RELN: variants seen among roughly 807,000 people sequenced by gnomAD.
The protein encoded by RELN is reelin.
Under a neutral mutation model 427.6 loss-of-function variants are expected in RELN, and 108 were observed. The ratio of observed to expected loss-of-function variants is 0.25; its 90% CI spans 0.22 to 0.30. RELN has a LOEUF of 0.30. RELN is among the 10% of genes least tolerant of loss of function. The pLI is 1.00. For missense variants in RELN, 3,715 were observed against 4,302.8 expected, an observed-to-expected ratio of 0.86 and a Z score of 3.82; for synonymous variants, 1,524 against 1,513.4, an observed-to-expected ratio of 1.01 and a Z score of -0.16.
chr7:103,546,228 T>C (rs1264366863), intron 41 of RELN, among the ~76,000 whole-genome samples: 1 of 152,218 alleles, frequency 6.6e-6, no homozygotes, highest in Non-Finnish European at 1.5e-5. Context: ...ATATTTCATA[T>C]AAATGGAAAG....
At chr7:103,945,105 CAA>C (rs1313686669) in intron 1 of RELN, among the ~76,000 whole-genome samples, 2 of 152,102 alleles carry the variant, frequency 1.3e-5, no homozygotes. Flanking sequence ...ACAACTCACA[CAA>C]AGAGAAGCTA....
At chr7:103,861,659 C>T (rs1794074558) in intron 2 of RELN, among the ~76,000 whole-genome samples, 1 of 151,996 alleles carries the variant, frequency 6.6e-6, no homozygotes, top group Non-Finnish European at 1.5e-5. Context: ...GCGAAGAGAC[C>T]CAGAAAGGTG....
At chr7:103,716,477 G>A (rs560071478) in intron 8 of RELN, among the ~76,000 whole-genome samples, 1 of 152,226 alleles carries the variant, frequency 6.6e-6, no homozygotes, top group East Asian at 1.9e-4. Context: ...TTTGACAGAT[G>A]AGTCCCTGGT....
intron 48 of RELN, among the ~76,000 whole-genome samples, chr7:103,520,723 G>A (rs73714431): frequency 0.047 from 7,172 of 151,934 alleles, 243 homozygotes; most frequent in East Asian, 0.17. Flanking sequence ...GTTGATATAC[G>A]GATTTTTTTT....
intron 3 of RELN, among the ~76,000 whole-genome samples, chr7:103,805,314 A>C (rs1792571859): frequency 6.6e-6 from 1 of 152,226 alleles, no homozygotes; most frequent in Admixed American, 6.6e-5. Context: ...GTAGAGAATT[A>C]AAATCTAATT....
At chr7:103,798,790 G>C (rs1031132402) in intron 3 of RELN, among the ~76,000 whole-genome samples, 1 of 152,176 alleles carries the variant, frequency 6.6e-6, no homozygotes, top group African/African-American at 2.4e-5. Flanking sequence ...AGGTACAGGA[G>C]ATAAAGCAAC....
At chr7:103,601,436 A>G (rs1831665616) in intron 24 of RELN, among the ~76,000 whole-genome samples, 1 of 152,186 alleles carries the variant, frequency 6.6e-6, no homozygotes. Context: ...CAAAACCTGC[A>G]GCTATTTTTG....
chr7:103,557,958 T>C lies in RELN; in HGVS notation c.5614+7A>G, dbSNP rs781311910. On this transcript the variant is annotated splice_region_variant and intron_variant, in intron 37 of 64. Coordinates refer to ENST00000428762, the MANE Select transcript of RELN (RefSeq NM_005045.4). ...CTCTTGAAGGAAAATAATAAATTCA[T>C]ACTTACTTTTTGCTATAAATCTAAG... The C allele has an allele frequency of 1.7e-6, 2 of 1,182,302 alleles. No homozygotes were observed. 73.2% of individuals were successfully genotyped at this position (1,182,302 alleles called of 1,614,324 possible).
chr7:103,502,887 C>T, intron 52 of RELN, 129 bp downstream of exon 52: 1 of 794,598 alleles, frequency 1.3e-6, no homozygotes, highest in Non-Finnish European at 2.2e-6. Flanking sequence ...AATTAGAGAA[C>T]CTTTAGAGTT....
chr7:103,651,323 A>T (rs1440006365), intron 15 of RELN, among the ~76,000 whole-genome samples: 1 of 152,072 alleles, frequency 6.6e-6, no homozygotes, highest in Non-Finnish European at 1.5e-5. Flanking sequence ...TCCAGGTCCA[A>T]TTTCAAAATT....
At chr7:103,613,521 A>G (rs1832010379) in intron 20 of RELN, among the ~76,000 whole-genome samples, 1 of 152,234 alleles carries the variant, frequency 6.6e-6, no homozygotes, top group Non-Finnish European at 1.5e-5. Context: ...ATAGTAAGCC[A>G]TAGAGGCACA....
At chr7:103,529,713 A>C (rs2191706) in intron 46 of RELN, among the ~76,000 whole-genome samples, 2 of 151,802 alleles carry the variant, frequency 1.3e-5, no homozygotes, top group Non-Finnish European at 2.9e-5. Flanking sequence ...ATAAAGAGGC[A>C]GTACTAATAC....
At chr7:103,849,404 C>T (rs1339753409) in intron 2 of RELN, among the ~76,000 whole-genome samples, 1 of 152,182 alleles carries the variant, frequency 6.6e-6, no homozygotes, top group Non-Finnish European at 1.5e-5. Flanking sequence ...CTGCCAACAG[C>T]TTCCTCTTTG....
chr7:103,612,982 C>T (rs866843269), intron 20 of RELN, among the ~76,000 whole-genome samples: 1 of 152,192 alleles, frequency 6.6e-6, no homozygotes, highest in Non-Finnish European at 1.5e-5. Flanking sequence ...TACTCTGAAG[C>T]AGTCTTGCAA....
chr7:103,860,032 A>G (rs1473137926), intron 2 of RELN, among the ~76,000 whole-genome samples: 2 of 152,198 alleles, frequency 1.3e-5, no homozygotes, highest in Non-Finnish European at 2.9e-5. Flanking sequence ...GGCATGTAGT[A>G]CAATTACTTC....
At chr7:103,688,936 T>C (rs994732307) in intron 10 of RELN, among the ~76,000 whole-genome samples, 9 of 152,112 alleles carry the variant, frequency 5.9e-5, no homozygotes, top group Non-Finnish European at 1.3e-4. Context: ...TTATTGGATA[T>C]TTATCAATAG....
intron 1 of RELN, among the ~76,000 whole-genome samples, chr7:103,924,736 T>C (rs1327759931): frequency 1.3e-5 from 2 of 152,230 alleles, no homozygotes; most frequent in African/African-American, 2.4e-5. Flanking sequence ...CCACCAGTAA[T>C]AAAAGGAAAT....
At chr7:103,743,741 A>G (rs932794809) in intron 6 of RELN, among the ~76,000 whole-genome samples, 19 of 152,316 alleles carry the variant, frequency 1.2e-4, no homozygotes, top group African/African-American at 4.1e-4. Context: ...CACCCAATAC[A>G]GGAGCACCCA....
At chr7:103,619,854 AAG>A (rs1832175846) in intron 20 of RELN, among the ~76,000 whole-genome samples, 1 of 151,874 alleles carries the variant, frequency 6.6e-6, no homozygotes, top group Admixed American at 6.6e-5. Context: ...TCAGGAAAGT[AAG>A]AGTGTGTGTA....
Sources: gnomAD v4.1 joint callset for allele counts (sites outside exome capture counted in the v4.1 genomes callset) on GRCh38, gnomAD v4.1.1 for gene constraint, MANE v1.5 for transcripts, NCBI Gene and HGNC (gene_info 2026-07-23, HGNC 2026-07-21) for gene names.